FHIT: variants seen among roughly 807,000 people sequenced by gnomAD.
FHIT encodes fragile histidine triad diadenosine triphosphatase.
In FHIT, 19 loss-of-function variants were observed where a neutral mutation model predicts 17.9. That is an observed-to-expected ratio of 1.06 (90% CI 0.74 to 1.56). FHIT has a LOEUF of 1.56. Among genes scored for constraint, FHIT ranks in the 40% most tolerant of loss-of-function variants. FHIT has a pLI of 0.00. For synonymous variants in FHIT, 81 were observed against 69.7 expected (o/e 1.16, Z -0.81); for missense variants, 248 against 189.2 (o/e 1.31, Z -1.82).
intron 9 of FHIT, 77 bp downstream of exon 9, chr3:59,752,144 C>T: frequency 9.9e-7 from 1 of 1,007,718 alleles, no homozygotes. Flanking sequence ...TGTTTTTGTG[C>T]ATCCCCATTC....
At chr3:59,985,569 A>T (rs1462300935) in intron 7 of FHIT, among the ~76,000 whole-genome samples, 2 of 152,148 alleles carry the variant, frequency 1.3e-5, no homozygotes, top group Admixed American at 6.6e-5. Flanking sequence ...TGTGCTGATT[A>T]TCTTTACCAT....
intron 5 of FHIT, among the ~76,000 whole-genome samples, chr3:60,461,000 A>G (rs1559933284): frequency 6.6e-6 from 1 of 152,318 alleles, no homozygotes; most frequent in South Asian, 2.1e-4. Flanking sequence ...AAAAATAACA[A>G]AAGAGAATAC....
intron 5 of FHIT, among the ~76,000 whole-genome samples, chr3:60,270,923 G>A (rs1011976826): frequency 6.6e-6 from 1 of 152,124 alleles, no homozygotes; most frequent in Non-Finnish European, 1.5e-5. Context: ...CATAGAAAGG[G>A]CATTAAAAGA....
chr3:59,956,504 C>T (rs537127635), intron 7 of FHIT, among the ~76,000 whole-genome samples: 1 of 152,272 alleles, frequency 6.6e-6, no homozygotes, highest in African/African-American at 2.4e-5. Flanking sequence ...CTCATCTCTA[C>T]TAAAAATACA....
At chr3:59,822,697 TTCG>T (rs1479749547) in intron 8 of FHIT, among the ~76,000 whole-genome samples, 1 of 152,196 alleles carries the variant, frequency 6.6e-6, no homozygotes, top group Non-Finnish European at 1.5e-5. Flanking sequence ...ATTCTGGATG[TTCG>T]TCTTTTGTCA....
intron 5 of FHIT, among the ~76,000 whole-genome samples, chr3:60,065,022 A>G (rs997562187): frequency 1.3e-5 from 2 of 152,312 alleles, no homozygotes; most frequent in South Asian, 2.1e-4. Flanking sequence ...CAAAGGCACT[A>G]TGACTCACTG....
At chr3:61,193,537 T>C (rs1338950820) in intron 2 of FHIT, among the ~76,000 whole-genome samples, 1 of 152,150 alleles carries the variant, frequency 6.6e-6, no homozygotes, top group African/African-American at 2.4e-5. Flanking sequence ...CTGCAGCATT[T>C]TTGCATCAAT....
At chr3:59,995,923 C>A (rs1699488937) in intron 7 of FHIT, among the ~76,000 whole-genome samples, 1 of 152,110 alleles carries the variant, frequency 6.6e-6, no homozygotes. Context: ...TTTCCTCGGA[C>A]TCTCTGATCA....
intron 4 of FHIT, among the ~76,000 whole-genome samples, chr3:60,621,284 G>A (rs1339388776): frequency 1.3e-5 from 2 of 150,874 alleles, no homozygotes; most frequent in African/African-American, 4.9e-5. Context: ...AAGTACCTGT[G>A]ATTACAGGTG....
intron 5 of FHIT, among the ~76,000 whole-genome samples, chr3:60,074,204 A>G (rs1702906120): frequency 6.6e-6 from 1 of 152,122 alleles, no homozygotes; most frequent in East Asian, 1.9e-4. Context: ...TCTTATTTCA[A>G]TCCACCAAGT....
At chr3:60,415,190 G>T (rs901426746) in intron 5 of FHIT, among the ~76,000 whole-genome samples, 1 of 152,114 alleles carries the variant, frequency 6.6e-6, no homozygotes, top group African/African-American at 2.4e-5. Context: ...TTTTGATAGA[G>T]ATAATTGAAG....
chr3:60,188,958 A>C lies in FHIT; in HGVS notation c.104-174806T>G, dbSNP rs186736679. On this transcript the variant is annotated intron_variant, in intron 5 of 9. Transcript: ENST00000492590. Reference sequence around the variant, plus strand: ...CTAAAAGAAGGACACTAATATGAGCACTGTAGCTTTCTGCACTTCAGTAAA... The same window carrying C: ...CTAAAAGAAGGACACTAATATGAGCCCTGTAGCTTTCTGCACTTCAGTAAA... Among the ~76,000 whole-genome samples, 477 of 152,274 alleles carry C rather than the reference A, an allele frequency of 3.1e-3. 4 individuals carry two copies. The highest frequency in any genetic ancestry group is 0.011 in the African/African-American group (465 of 41,562).
intron 5 of FHIT, among the ~76,000 whole-genome samples, chr3:60,516,491 C>A (rs185376603): frequency 1.3e-5 from 2 of 152,104 alleles, no homozygotes; most frequent in Non-Finnish European, 2.9e-5. Context: ...CCTTCCGGGG[C>A]CCCAGGACCA....
intron 7 of FHIT, among the ~76,000 whole-genome samples, chr3:59,995,951 G>A (rs978790914): frequency 2.0e-5 from 3 of 152,050 alleles, no homozygotes; most frequent in African/African-American, 7.2e-5. Flanking sequence ...CTTCACACAG[G>A]GGTGAGGCCA....
At chr3:60,029,600 T>C (rs754364224) in intron 5 of FHIT, among the ~76,000 whole-genome samples, 8 of 152,188 alleles carry the variant, frequency 5.3e-5, no homozygotes, top group Non-Finnish European at 1.2e-4. Context: ...GTTTCCCAAG[T>C]AGCCTGAGAA....
chr3:60,049,476 A>G (rs1239861310), intron 5 of FHIT, among the ~76,000 whole-genome samples: 1 of 152,110 alleles, frequency 6.6e-6, no homozygotes, highest in Admixed American at 6.5e-5. Flanking sequence ...TCAGTTGTAC[A>G]TTTTATAAAA....
At chr3:60,550,766 T>TTA (rs2036519863) in intron 4 of FHIT, among the ~76,000 whole-genome samples, 2 of 152,210 alleles carry the variant, frequency 1.3e-5, no homozygotes, top group African/African-American at 4.8e-5. Flanking sequence ...TAAATATGTA[T>TTA]TATATACTTG....
intron 8 of FHIT, among the ~76,000 whole-genome samples, chr3:59,882,344 A>G (rs1703443230): frequency 6.6e-6 from 1 of 152,202 alleles, no homozygotes; most frequent in Admixed American, 6.5e-5. Context: ...CACATCTTCA[A>G]TTAGCTGGAT....
intron 8 of FHIT, among the ~76,000 whole-genome samples, chr3:59,820,109 T>G (rs1301584469): frequency 2.6e-5 from 4 of 152,218 alleles, no homozygotes. Flanking sequence ...GCTAAGGTAT[T>G]TTATTGTAGA....
Sources: allele counts gnomAD v4.1 joint callset (sites outside exome capture counted in the v4.1 genomes callset), GRCh38; gene constraint gnomAD v4.1.1; transcripts MANE v1.5; gene names NCBI Gene and HGNC (gene_info 2026-07-23, HGNC 2026-07-21).